The following ALG5 variants were observed in gnomAD, a reference collection of about 807,000 sequenced individuals.
ALG5 encodes ALG5 dolichyl-phosphate beta-glucosyltransferase, also known as dolichyl-phosphate beta-glucosyltransferase.
Under a neutral mutation model 51.8 loss-of-function variants are expected in ALG5, and 26 were observed. That is an observed-to-expected ratio of 0.50 (90% CI 0.37 to 0.70). The LOEUF (loss-of-function observed/expected upper bound fraction) is 0.70. Among genes scored for constraint, ALG5 ranks in the 30% least tolerant of loss-of-function variants. The pLI, the probability that ALG5 is intolerant of heterozygous loss-of-function variation, is 0.00. For synonymous variants in ALG5, 141 were observed against 136.1 expected (o/e 1.04, Z -0.25); for missense variants, 311 against 399.3 (o/e 0.78, Z 1.88).
chr13:36,991,033 CATCACAT>C (rs1411701969), intron 4 of ALG5, among the ~76,000 whole-genome samples: 1 of 152,230 alleles, frequency 6.6e-6, no homozygotes, highest in Non-Finnish European at 1.5e-5. Context: ...GGCTTCTAAG[CATCACAT>C]ATGAGTTCCT....
rs574473561 is a variant in ALG5 at position 36,990,609 on chromosome 13, G to A, written c.355-1033C>T. 3.3e-5 allele frequency among the ~76,000 whole-genome samples: 5 copies of A among 150,772 alleles called. No individual in the cohort carries two copies. In the East Asian group the frequency reaches 9.8e-4, roughly 29 times the overall value. On this transcript the variant is annotated intron_variant, in intron 4 of 9. Coordinates refer to ENST00000239891, the MANE Select transcript of ALG5 (RefSeq NM_013338.5). ...GCTTATATTTATGAATCTCACGTCT[G>A]TTTAGAGCCCAGACTCTTCTCTCCT...
intron 7 of ALG5, chr13:36,967,549 G>A (rs1414427729): frequency 4.3e-6 from 1 of 231,530 alleles, no homozygotes; most frequent in Non-Finnish European, 8.9e-6. Flanking sequence ...AATAGGGCAG[G>A]AAGGAAAGGA....
chr13:36,979,531 CA>C (rs1190688483), intron 6 of ALG5, among the ~76,000 whole-genome samples: 1 of 152,098 alleles, frequency 6.6e-6, no homozygotes, highest in Non-Finnish European at 1.5e-5. Flanking sequence ...CATTGGTATA[CA>C]AAACTAGAAC....
At chr13:36,968,356 T>A (rs1453093848) in intron 7 of ALG5, among the ~76,000 whole-genome samples, 1 of 152,198 alleles carries the variant, frequency 6.6e-6, no homozygotes, top group African/African-American at 2.4e-5. Flanking sequence ...GACTTCTAAT[T>A]TCATTAACTT....
At chr13:36,959,995 T>C (rs570501546) in intron 8 of ALG5, among the ~76,000 whole-genome samples, 2 of 152,042 alleles carry the variant, frequency 1.3e-5, no homozygotes, top group Non-Finnish European at 2.9e-5. Context: ...GGGATAATTA[T>C]ACTCTTGAGA....
chr13:36,999,023 C>T (rs1472043992), intron 1 of ALG5: 2 of 430,844 alleles, frequency 4.6e-6, no homozygotes, highest in African/African-American at 4.1e-5. Flanking sequence ...TCTCTGAGCA[C>T]ACAAAGAGAT....
chr13:36,964,376 T>G (rs1168111599), intron 8 of ALG5, among the ~76,000 whole-genome samples: 1 of 152,154 alleles, frequency 6.6e-6, no homozygotes, highest in Non-Finnish European at 1.5e-5. Context: ...AAGGATGGTG[T>G]TCTGGATGGC....
intron 6 of ALG5, among the ~76,000 whole-genome samples, chr13:36,979,582 G>A (rs780492044): frequency 3.9e-5 from 6 of 152,184 alleles, no homozygotes; most frequent in Non-Finnish European, 8.8e-5. Context: ...AGAGCATTCA[G>A]GGTCATTAGT....
rs142212012 is a variant in ALG5, at chr13:36,971,310, G to A, written c.621+667C>T. On this transcript the variant is annotated intron_variant, in intron 7 of 9. Transcript: ENST00000239891. ...AATTCAAAATAAAGCACTTAACTGTGCCAATGTTAGAAAAAAATAAAGGCA... is the reference window on the plus strand; with the variant it reads ...AATTCAAAATAAAGCACTTAACTGTACCAATGTTAGAAAAAAATAAAGGCA... 4.5e-3 allele frequency among the ~76,000 whole-genome samples: 692 copies of A among 152,210 alleles called. 7 individuals carry two copies. The highest frequency in any genetic ancestry group is 0.016 in the African/African-American group (672 of 41,536).
chr13:36,989,148 C>A (rs2059014761), intron 5 of ALG5, among the ~76,000 whole-genome samples: 2 of 152,132 alleles, frequency 1.3e-5, no homozygotes, highest in African/African-American at 4.8e-5. Flanking sequence ...TAACAGCATA[C>A]CTTCATCAAG....
intron 5 of ALG5, among the ~76,000 whole-genome samples, chr13:36,987,693 ATTTC>A (rs1281960808): frequency 6.6e-6 from 1 of 152,090 alleles, no homozygotes; most frequent in Non-Finnish European, 1.5e-5. Context: ...AGTCTCAGGT[ATTTC>A]TTTATAGCAA....
At chr13:36,985,969 T>C (rs191717667) in intron 5 of ALG5, among the ~76,000 whole-genome samples, 3 of 152,314 alleles carry the variant, frequency 2.0e-5, no homozygotes, top group East Asian at 1.9e-4. Context: ...ATACTACAAA[T>C]ATCTTGGAAA....
At chr13:36,965,782 T>C (rs2138791876) in intron 7 of ALG5, 56 bp from the exon 8 acceptor site, 2 of 1,473,928 alleles carry the variant, frequency 1.4e-6, no homozygotes, top group East Asian at 2.3e-5. Context: ...AAGGAGACAC[T>C]GAAAACACCT....
intron 1 of ALG5, 35 bp downstream of exon 1, chr13:36,999,199 GC>G: frequency 6.5e-7 from 1 of 1,542,116 alleles, no homozygotes; most frequent in Non-Finnish European, 8.7e-7. Context: ...AGAGCGGTAA[GC>G]CCCGGCCTGC....
At position 36,982,108 on chromosome 13, in the gene ALG5, C is replaced by T. The variant is rs534265115; in HGVS notation, c.561+3519G>A. On this transcript the variant is annotated intron_variant, in intron 6 of 9. Transcript: ENST00000239891. ...TCTGTCTCAAAAACAAACAAACAAA[C>T]AAACAACAACAACAAAAACCGTAAG... Among the ~76,000 whole-genome samples the T allele has an allele frequency of 2.0e-4, 30 of 151,802 alleles. 1 individual carries two copies. The South Asian group carries it at 6.2e-3, about 31-fold the overall frequency.
rs897200919 is a variant in ALG5 at position 36,989,638 on chromosome 13, G to A, written c.355-62C>T. The A allele has an allele frequency of 8.1e-6, 11 of 1,359,950 alleles. No homozygotes were observed. In the African/African-American group the frequency reaches 1.6e-4, roughly 20 times the overall value. 84.2% of individuals were successfully genotyped at this position (1,359,950 alleles called of 1,614,324 possible). A position where few individuals can be genotyped will look rare whatever the true frequency, so the allele number is the denominator to read the frequency against. ...TGGATTAAAGAGAATTATATAAGCT[G>A]TGTTTCTTGCTTTGGCTCAAACACT... On this transcript the variant is annotated intron_variant, in intron 4 of 9. Coordinates refer to ENST00000239891, the MANE Select transcript of ALG5 (RefSeq NM_013338.5).
chr13:36,983,623 A>C (rs2058989300), intron 6 of ALG5, among the ~76,000 whole-genome samples: 1 of 152,056 alleles, frequency 6.6e-6, no homozygotes, highest in Non-Finnish European at 1.5e-5. Flanking sequence ...GTGGCCAATG[A>C]AACTGAGGAA....
rs1205466954 is a variant in ALG5, at chr13:36,977,796, AAAAAAAAAAAAAAAAAAAC to A, written c.562-5779_562-5761del. Among the ~76,000 whole-genome samples the A allele has an allele frequency of 1.2e-3, 171 of 144,022 alleles. 7 individuals are homozygous for A. The highest frequency in any genetic ancestry group is 3.9e-3 in the African/African-American group (153 of 38,800). The allele number at this position is 144,022 out of a possible 152,430, so 94.5% of individuals were successfully genotyped here. A position where few individuals can be genotyped will look rare whatever the true frequency, so the allele number is the denominator to read the frequency against. Reference sequence around the variant, plus strand: ...GACAGAGTGAGACTGTCTCCAAAAAAAAAAAAAAAAAAAAAAAACAAAAACGGTGGTAAGAAGTAAAGTA... The same window carrying A: ...GACAGAGTGAGACTGTCTCCAAAAAAAAAAACGGTGGTAAGAAGTAAAGTA... On this transcript the variant is annotated intron_variant, in intron 6 of 9. Coordinates refer to ENST00000239891, the MANE Select transcript of ALG5 (RefSeq NM_013338.5).
intron 1 of ALG5, among the ~76,000 whole-genome samples, chr13:36,997,259 G>A (rs1469751578): frequency 1.3e-5 from 2 of 152,044 alleles, no homozygotes; most frequent in African/African-American, 2.4e-5. Context: ...GATCACCTGA[G>A]TTCAGGAGTT....
Sources: gnomAD v4.1 joint callset for allele counts (sites outside exome capture counted in the v4.1 genomes callset) on GRCh38, gnomAD v4.1.1 for gene constraint, MANE v1.5 for transcripts, NCBI Gene and HGNC (gene_info 2026-07-23, HGNC 2026-07-21) for gene names.